The following NDST4 variants were observed in gnomAD, a reference collection of about 807,000 sequenced individuals.
The protein encoded by NDST4 is N-heparan sulfate sulfotransferase 4.
NDST4 carries 63 observed loss-of-function variants against 100.8 expected under a neutral mutation model. The ratio of observed to expected loss-of-function variants is 0.62; its 90% CI spans 0.51 to 0.77. The LOEUF is 0.77. Among genes scored for constraint, NDST4 ranks in the 30% least tolerant of loss-of-function variants. The pLI is 0.00. For synonymous variants in NDST4, 377 were observed against 361.8 expected, an observed-to-expected ratio of 1.04 and a Z score of -0.48; for missense variants, 943 against 1,018.4, an observed-to-expected ratio of 0.93 and a Z score of 1.01.
chr4:115,013,896 A>G (rs1297861439), intron 2 of NDST4, among the ~76,000 whole-genome samples: 3 of 152,026 alleles, frequency 2.0e-5, no homozygotes, highest in African/African-American at 4.8e-5. Flanking sequence ...TAGTTTCACT[A>G]TCAAGAACAT....
intron 2 of NDST4, among the ~76,000 whole-genome samples, chr4:115,071,362 A>G (rs1260322639): frequency 6.6e-6 from 1 of 151,302 alleles, no homozygotes; most frequent in Non-Finnish European, 1.5e-5. Context: ...CTATGTCTGA[A>G]TTTGTTGTTA....
At chr4:115,057,860 A>AAT (rs1728736951) in intron 2 of NDST4, among the ~76,000 whole-genome samples, 1 of 152,118 alleles carries the variant, frequency 6.6e-6, no homozygotes. Context: ...GCTTAACAAT[A>AAT]ATATATATAC....
At chr4:114,961,326 A>T (rs80254423) in intron 4 of NDST4, among the ~76,000 whole-genome samples, 2,328 of 152,204 alleles carry the variant, frequency 0.015, 58 homozygotes, top group African/African-American at 0.052. Flanking sequence ...TAAAGCAATT[A>T]GAAGGAAAGA....
chr4:115,014,144 A>G (rs567274996), intron 2 of NDST4, among the ~76,000 whole-genome samples: 2 of 152,148 alleles, frequency 1.3e-5, no homozygotes, highest in South Asian at 2.1e-4. Context: ...ATCCTTATCA[A>G]TAAGGCCTAC....
At chr4:115,081,340 C>T (rs58502643) in intron 1 of NDST4, among the ~76,000 whole-genome samples, 3,388 of 152,202 alleles carry the variant, frequency 0.022, 141 homozygotes, top group African/African-American at 0.076. Context: ...GAAGCCTGGA[C>T]CATACAACTT....
Position 114,935,186 on chromosome 4 carries a change from T to C in NDST4, c.1536+20A>G, listed in dbSNP as rs568955939. 1 of 1,568,000 alleles carries C rather than the reference T, an allele frequency of 6.4e-7. No individual in the cohort carries two copies. The highest frequency in any genetic ancestry group is 2.3e-5 in the East Asian group (1 of 43,322). ...TAAAAATGCTAATCTTATTGTAAGG[T>C]GCATACATAGAATACATACTGGGTT... On this transcript the variant is annotated intron_variant, in intron 6 of 13. Coordinates refer to ENST00000264363, the MANE Select transcript of NDST4 (RefSeq NM_022569.3).
intron 7 of NDST4, 37 bp from the exon 8 acceptor site, chr4:114,852,858 T>C (rs759566797): frequency 2.8e-6 from 4 of 1,403,688 alleles, no homozygotes; most frequent in Non-Finnish European, 4.0e-6. Flanking sequence ...CACAGTGTAA[T>C]GACTGTCTGG....
At chr4:115,065,521 T>C (rs1728928115) in intron 2 of NDST4, among the ~76,000 whole-genome samples, 1 of 152,156 alleles carries the variant, frequency 6.6e-6, no homozygotes, top group Non-Finnish European at 1.5e-5. Context: ...ATAGTTAATA[T>C]TGTTTGGGCT....
At chr4:115,083,100 A>C (rs181233932) in intron 1 of NDST4, among the ~76,000 whole-genome samples, 1 of 152,198 alleles carries the variant, frequency 6.6e-6, no homozygotes, top group Admixed American at 6.5e-5. Context: ...GTTGGCTTTT[A>C]AGAATCATAA....
chr4:115,057,920 G>C (rs1368544476), intron 2 of NDST4, among the ~76,000 whole-genome samples: 1 of 151,972 alleles, frequency 6.6e-6, no homozygotes, highest in Non-Finnish European at 1.5e-5. Context: ...AAAAAGTATG[G>C]AATATTAAAG....
Position 114,977,218 on chromosome 4 carries a change from G to A in NDST4, c.1035C>T (p.Asn345=). Residue 345 remains asparagine (N), a synonymous_variant, in exon 3 of 14, where the codon AAC becomes AAT. Transcript: ENST00000264363. ...LRTQVANFTF[N]LGFSGKFYHT... is the part of the protein sequence containing the mutation. The stretch of plus-strand genomic sequence containing the variant: ...GGTAAAACTTCCCTGAAAATCCAAG[G>A]TTGAAGGTAAAATTTGCAACCTGAG... 6.2e-7 allele frequency: 1 copy of A among 1,610,354 alleles called. No individual in the cohort carries two copies. Among genetic ancestry groups the A allele is most frequent in the Non-Finnish European group, 8.5e-7 (1 of 1,177,702 alleles).
chr4:114,846,775 T>A (rs1723557853), intron 9 of NDST4, among the ~76,000 whole-genome samples: 1 of 152,156 alleles, frequency 6.6e-6, no homozygotes, highest in African/African-American at 2.4e-5. Context: ...CAATTAAGAA[T>A]TCATATAAGA....
At position 114,968,115 on chromosome 4, in the gene NDST4, A is replaced by G. The variant is rs562959579; in HGVS notation, c.1221+2315T>C. Among the ~76,000 whole-genome samples the G allele has an allele frequency of 1.4e-4, 21 of 152,340 alleles. 1 individual carries two copies. In the South Asian group the frequency reaches 4.1e-3, roughly 30 times the overall value. On this transcript the variant is annotated intron_variant, in intron 4 of 13. Transcript: ENST00000264363. Reference sequence around the variant, plus strand: ...ATGTTTTCTACATTTACTACTAAGAATCCTGTGTGCAGATCTGACATTGGT... The same window carrying G: ...ATGTTTTCTACATTTACTACTAAGAGTCCTGTGTGCAGATCTGACATTGGT...
At chr4:115,025,568 G>C (rs1727965951) in intron 2 of NDST4, among the ~76,000 whole-genome samples, 1 of 152,090 alleles carries the variant, frequency 6.6e-6, no homozygotes, top group Admixed American at 6.6e-5. Context: ...TTCTAACTCT[G>C]CTATTTGTTC....
At chr4:114,929,078 A>ATCCGTCCGTCCGTCCGTCCG in intron 6 of NDST4, among the ~76,000 whole-genome samples, 1 of 96,648 alleles carries the variant, frequency 1.0e-5, no homozygotes, top group East Asian at 3.1e-4. Context: ...CCGTCCGTCC[A>ATCCGTCCGTCCGTCCGTCCG]TCCATCCATC....
chr4:114,873,667 T>G (rs1015945083), intron 6 of NDST4, among the ~76,000 whole-genome samples: 1 of 151,994 alleles, frequency 6.6e-6, no homozygotes, highest in African/African-American at 2.4e-5. Flanking sequence ...TAATTGCAAT[T>G]ATTGTCATAA....
At chr4:115,001,354 A>C (rs976746514) in intron 2 of NDST4, among the ~76,000 whole-genome samples, 1 of 152,094 alleles carries the variant, frequency 6.6e-6, no homozygotes, top group Non-Finnish European at 1.5e-5. Flanking sequence ...ACCCAAAGAC[A>C]GAATGTTAGA....
intron 6 of NDST4, among the ~76,000 whole-genome samples, chr4:114,879,659 C>A (rs1028055393): frequency 1.3e-5 from 2 of 152,078 alleles, no homozygotes; most frequent in Non-Finnish European, 2.9e-5. Flanking sequence ...ATACCTGGCA[C>A]ATAATAGGTA....
chr4:114,857,075 T>C (rs951443286), intron 7 of NDST4, among the ~76,000 whole-genome samples: 1 of 152,194 alleles, frequency 6.6e-6, no homozygotes, highest in Non-Finnish European at 1.5e-5. Context: ...ACTTGGGCTT[T>C]ATATGCTGGA....
Sources: allele counts gnomAD v4.1 joint callset (sites outside exome capture counted in the v4.1 genomes callset), GRCh38; gene constraint gnomAD v4.1.1; transcripts MANE v1.5; gene names NCBI Gene and HGNC (gene_info 2026-07-23, HGNC 2026-07-21).